Variants in ARHGAP40 observed in about 807,000 individuals in gnomAD.
The protein encoded by ARHGAP40 is Rho GTPase activating protein 40, also known as rho GTPase-activating protein 40.
ARHGAP40 carries 43 observed loss-of-function variants against 73.5 expected under a neutral mutation model. The ratio of observed to expected loss-of-function variants is 0.58; its 90% confidence interval spans 0.46 to 0.75. ARHGAP40 has a LOEUF of 0.75. Ranked by LOEUF, ARHGAP40 falls within the 30% of genes least tolerant of loss-of-function variation. ARHGAP40 has a pLI of 0.00. For missense variants in ARHGAP40, 734 were observed against 861.8 expected (o/e 0.85, Z 1.86); for synonymous variants, 300 against 352.8 (o/e 0.85, Z 1.68).
At chr20:38,631,487 G>A (rs1401733211) in intron 5 of ARHGAP40, among the ~76,000 whole-genome samples, 1 of 152,152 alleles carries the variant, frequency 6.6e-6, no homozygotes, top group African/African-American at 2.4e-5. Context: ...GCTTGTGCAG[G>A]GAATCTCCCC....
rs1277591806 is a variant in ARHGAP40 at position 38,604,941 on chromosome 20, G to GA, written c.137+2874dup. Among the ~76,000 whole-genome samples the GA allele has an allele frequency of 3.1e-3, 435 of 139,594 alleles. 1 individual carries two copies. The highest frequency in any genetic ancestry group is 8.9e-3 in the African/African-American group (340 of 38,242). 91.6% of individuals were successfully genotyped at this position (139,594 alleles called of 152,430 possible). A position where few individuals can be genotyped will look rare whatever the true frequency, so the allele number is the denominator to read the frequency against. On this transcript the variant is annotated intron_variant, in intron 1 of 14. Transcript: ENST00000373345. ...ATTGAGAAGACATTCCACTGCCAAAGAAAAAAAAAAAAGCGAAAACTACTT... is the reference window on the plus strand; with the variant it reads ...ATTGAGAAGACATTCCACTGCCAAAGAAAAAAAAAAAAAGCGAAAACTACTT...
intron 1 of ARHGAP40, among the ~76,000 whole-genome samples, chr20:38,620,737 C>A (rs753036080): frequency 6.6e-6 from 1 of 152,148 alleles, no homozygotes; most frequent in Non-Finnish European, 1.5e-5. Flanking sequence ...ATGCCGGAGC[C>A]GTTGCCAGGA....
chr20:38,625,336 G>A (rs2088893194), intron 2 of ARHGAP40, among the ~76,000 whole-genome samples: 1 of 152,114 alleles, frequency 6.6e-6, no homozygotes, highest in Admixed American at 6.5e-5. Flanking sequence ...AAACACAGGA[G>A]CTTTTTTAGA....
chr20:38,636,530 TG>T (rs2145609913), intron 6 of ARHGAP40, among the ~76,000 whole-genome samples: 1 of 152,290 alleles, frequency 6.6e-6, no homozygotes, highest in South Asian at 2.1e-4. Flanking sequence ...CCCAAAGTGC[TG>T]GGGTTACAGG....
intron 9 of ARHGAP40, among the ~76,000 whole-genome samples, chr20:38,641,439 G>A (rs2089017734): frequency 6.6e-6 from 1 of 152,178 alleles, no homozygotes; most frequent in Non-Finnish European, 1.5e-5. Flanking sequence ...CTGACCCTGG[G>A]CTGCAGCCTG....
intron 5 of ARHGAP40, among the ~76,000 whole-genome samples, chr20:38,631,907 A>G (rs2088941838): frequency 1.3e-5 from 2 of 152,332 alleles, no homozygotes; most frequent in South Asian, 4.1e-4. Context: ...TCTCTTAGTG[A>G]TAATATTTTC....
chr20:38,614,319 A>G (rs922709682), intron 1 of ARHGAP40, among the ~76,000 whole-genome samples: 2 of 152,198 alleles, frequency 1.3e-5, no homozygotes, highest in Non-Finnish European at 2.9e-5. Context: ...GCGTACCCAT[A>G]CACACATGGC....
chr20:38,645,223 C>G (rs1429506545), intron 11 of ARHGAP40, among the ~76,000 whole-genome samples: 1 of 151,888 alleles, frequency 6.6e-6, no homozygotes, highest in South Asian at 2.1e-4. Flanking sequence ...CAAAAGTCAA[C>G]TCCTCTGTCG....
intron 1 of ARHGAP40, among the ~76,000 whole-genome samples, chr20:38,604,056 G>A (rs1601129977): frequency 6.6e-6 from 1 of 152,164 alleles, no homozygotes; most frequent in African/African-American, 2.4e-5. Context: ...AAATACTGAG[G>A]ATTAGGATGT....
intron 2 of ARHGAP40, among the ~76,000 whole-genome samples, chr20:38,625,481 C>A (rs1184555453): frequency 6.6e-6 from 1 of 152,062 alleles, no homozygotes; most frequent in East Asian, 1.9e-4. Context: ...TGCAGTGGCA[C>A]AATCTCAGCC....
intron 4 of ARHGAP40, 85 bp downstream of exon 4, chr20:38,629,087 C>A: frequency 9.2e-7 from 1 of 1,081,408 alleles, no homozygotes; most frequent in Non-Finnish European, 1.2e-6. Flanking sequence ...ATGTGCACAC[C>A]TCCCAGCATT....
At chr20:38,623,889 T>G (rs2088886597) in intron 2 of ARHGAP40, among the ~76,000 whole-genome samples, 1 of 152,222 alleles carries the variant, frequency 6.6e-6, no homozygotes, top group Non-Finnish European at 1.5e-5. Context: ...AACAGTCTCC[T>G]ATATACAGAC....
exon 11 of ARHGAP40, chr20:38,643,756 T>C (rs1342794046): frequency 2.3e-6 from 3 of 1,305,734 alleles, no homozygotes; most frequent in East Asian, 5.5e-5. Flanking sequence ...CACAACAAGA[T>C]GACTCTGAGG....
chr20:38,605,754 G>A (rs567752675), intron 1 of ARHGAP40, among the ~76,000 whole-genome samples: 3 of 152,186 alleles, frequency 2.0e-5, no homozygotes, highest in Non-Finnish European at 4.4e-5. Context: ...TACGTAAAAT[G>A]TATCTATGAT....
intron 1 of ARHGAP40, chr20:38,614,897 T>G: frequency 3.0e-6 from 4 of 1,334,054 alleles, no homozygotes; most frequent in Non-Finnish European, 4.3e-6. Context: ...GCAAGCTGCC[T>G]GCACCAGGCC....
chr20:38,619,088 G>A (rs2088859843), intron 1 of ARHGAP40, among the ~76,000 whole-genome samples: 1 of 152,214 alleles, frequency 6.6e-6, no homozygotes, highest in South Asian at 2.1e-4. Context: ...CGTAATCCAG[G>A]TTAGGGATGA....
intron 7 of ARHGAP40, 59 bp from the exon 8 acceptor site, chr20:38,638,702 A>AT (rs1462652290): frequency 1.6e-6 from 2 of 1,235,480 alleles, no homozygotes; most frequent in Non-Finnish European, 2.2e-6. Flanking sequence ...CAAACACACC[A>AT]TTTTGAATCC....
chr20:38,612,125 G>A (rs2088808182), intron 1 of ARHGAP40, among the ~76,000 whole-genome samples: 1 of 152,134 alleles, frequency 6.6e-6, no homozygotes, highest in South Asian at 2.1e-4. Context: ...ATTTTCACAT[G>A]TAATCAATAT....
At chr20:38,619,857 G>A (rs1219451622) in intron 1 of ARHGAP40, among the ~76,000 whole-genome samples, 1 of 151,814 alleles carries the variant, frequency 6.6e-6, no homozygotes. Context: ...GAGGATCACT[G>A]GAGTCAAGGC....
Sources: allele counts gnomAD v4.1 joint callset (sites outside exome capture counted in the v4.1 genomes callset), GRCh38; gene constraint gnomAD v4.1.1; transcripts MANE v1.5; gene names NCBI Gene and HGNC (gene_info 2026-07-23, HGNC 2026-07-21).